Variants in NDUFA12 observed in about 807,000 individuals in gnomAD.
NDUFA12 encodes the protein NADH:ubiquinone oxidoreductase subunit A12.
In NDUFA12, 17 loss-of-function variants were observed where a neutral mutation model predicts 20.3. The observed-to-expected ratio is 0.84, with a 90% CI of 0.57 to 1.26. The LOEUF (loss-of-function observed/expected upper bound fraction) is 1.26. Ranked by LOEUF, NDUFA12 falls within the 50% of genes most tolerant of loss-of-function variation. NDUFA12 has a pLI of 0.00. For synonymous variants in NDUFA12, 72 were observed against 63.6 expected, an observed-to-expected ratio of 1.13 and a Z score of -0.63; for missense variants, 191 against 183.7, an observed-to-expected ratio of 1.04 and a Z score of -0.23.
At chr12:94,978,672 C>T (rs541252328) in intron 3 of NDUFA12, among the ~76,000 whole-genome samples, 2 of 151,964 alleles carry the variant, frequency 1.3e-5, no homozygotes, top group Admixed American at 6.6e-5. Context: ...TAGAGTTTAC[C>T]GAACATTCAT....
chr12:94,985,948 G>A (rs1834614), intron 3 of NDUFA12, among the ~76,000 whole-genome samples: 132,028 of 151,858 alleles, frequency 0.87, 57,490 homozygotes, highest in Admixed American at 0.9. Flanking sequence ...AGCTGGGCAT[G>A]GTGGTGTGCA....
chr12:95,001,946 G>A (rs1055528759), intron 2 of NDUFA12, among the ~76,000 whole-genome samples: 6 of 151,620 alleles, frequency 4.0e-5, no homozygotes, highest in Non-Finnish European at 8.9e-5. Flanking sequence ...CTCGTGATCC[G>A]CCCGCCTCCG....
chr12:94,983,567 G>A (rs1319580464), intron 3 of NDUFA12, among the ~76,000 whole-genome samples: 2 of 152,172 alleles, frequency 1.3e-5, no homozygotes, highest in Non-Finnish European at 1.5e-5. Context: ...GATCTCAGCT[G>A]TAACCTTGTG....
In NDUFA12 at chr12:94,999,516, A is replaced by AAATAATCAGC. The variant is rs1439214946; in HGVS notation, c.169+3213_169+3222dup. Among the ~76,000 whole-genome samples, 20 of 152,360 alleles carry AAATAATCAGC rather than the reference A, an allele frequency of 1.3e-4. No homozygotes were observed. In the East Asian group the frequency reaches 3.7e-3, roughly 28 times the overall value. ...CTAAAAAGCTTCTGTTCAGCAAAAG[A>AAATAATCAGC]AATAATCAGCAGAGTAAACAGACAA... On this transcript the variant is annotated intron_variant, in intron 2 of 3. Transcript: ENST00000327772.
intron 3 of NDUFA12, among the ~76,000 whole-genome samples, chr12:94,981,597 T>TA (rs776710376): frequency 1.3e-5 from 2 of 152,140 alleles, no homozygotes; most frequent in Non-Finnish European, 2.9e-5. Flanking sequence ...GAAGGTACTG[T>TA]AAAAAAAGAC....
intron 2 of NDUFA12, among the ~76,000 whole-genome samples, chr12:94,998,720 C>T (rs903173710): frequency 5.9e-5 from 9 of 152,114 alleles, no homozygotes; most frequent in African/African-American, 9.7e-5. Flanking sequence ...AGAACTCCAT[C>T]CCTTTTACAC....
chr12:94,998,203 C>T (rs1391614628), intron 2 of NDUFA12, among the ~76,000 whole-genome samples: 2 of 152,102 alleles, frequency 1.3e-5, no homozygotes, highest in African/African-American at 4.8e-5. Context: ...TGTGATATAT[C>T]ACATAAATAG....
intron 3 of NDUFA12, among the ~76,000 whole-genome samples, chr12:94,976,090 T>C (rs1002116946): frequency 2.6e-5 from 4 of 152,182 alleles, no homozygotes; most frequent in Non-Finnish European, 5.9e-5. Context: ...GTTCACCATA[T>C]ATGTTTTAAA....
intron 2 of NDUFA12, among the ~76,000 whole-genome samples, chr12:94,998,473 G>A (rs759449542): frequency 7.2e-5 from 11 of 152,124 alleles, no homozygotes; most frequent in African/African-American, 2.2e-4. Context: ...ACTGGAAGTC[G>A]TAGCCAGAGC....
At chr12:95,001,538 G>T (rs7295799) in intron 2 of NDUFA12, among the ~76,000 whole-genome samples, 118,379 of 151,946 alleles carry the variant, frequency 0.78, 46,248 homozygotes, top group South Asian at 0.81. Flanking sequence ...TGAGGTAGGA[G>T]GACAGCTTGA....
At chr12:95,000,192 G>A (rs925507114) in intron 2 of NDUFA12, among the ~76,000 whole-genome samples, 5 of 152,172 alleles carry the variant, frequency 3.3e-5, no homozygotes, top group African/African-American at 1.2e-4. Flanking sequence ...GGATGGAGCT[G>A]GAGGCCATTA....
chr12:94,971,770 T>A, intron 3 of NDUFA12, 150 bp from the exon 4 acceptor site: 1 of 884,802 alleles, frequency 1.1e-6, no homozygotes, highest in Non-Finnish European at 1.9e-6. Context: ...ATGCCTTAGA[T>A]TTTTTCCATC....
chr12:94,978,919 C>T (rs962508196), intron 3 of NDUFA12, among the ~76,000 whole-genome samples: 3 of 152,012 alleles, frequency 2.0e-5, no homozygotes, highest in African/African-American at 4.8e-5. Flanking sequence ...TTTAGTGAGA[C>T]AGGAAAAATG....
Position 95,002,830 on chromosome 12 carries a change from A to T in NDUFA12, c.87-9T>A. 3 of 1,606,126 alleles carry T rather than the reference A, an allele frequency of 1.9e-6. No individual in the cohort carries two copies. The highest frequency in any genetic ancestry group is 2.6e-6 in the Non-Finnish European group (3 of 1,172,704). ...CCTTCGCATCATTTGTCCTGTGAAT[A>T]CCCAAAAGAAAACAGACATTTTAGA... On this transcript the variant is annotated splice_polypyrimidine_tract_variant and intron_variant, in intron 1 of 3. Coordinates refer to ENST00000327772, the MANE Select transcript of NDUFA12 (RefSeq NM_018838.5).
intron 3 of NDUFA12, among the ~76,000 whole-genome samples, chr12:94,988,235 G>T (rs1662285647): frequency 6.6e-6 from 1 of 152,086 alleles, no homozygotes; most frequent in African/African-American, 2.4e-5. Flanking sequence ...GCCCTAAGAG[G>T]ATAAGGGTAA....
At chr12:94,974,401 G>A (rs7316274) in intron 3 of NDUFA12, among the ~76,000 whole-genome samples, 48,299 of 152,134 alleles carry the variant, frequency 0.32, 8,074 homozygotes, top group East Asian at 0.42. Context: ...TGGTGGGAAT[G>A]TAAGTTAGTA....
chr12:94,989,392 G>A (rs1224336013), intron 3 of NDUFA12, among the ~76,000 whole-genome samples: 1 of 152,096 alleles, frequency 6.6e-6, no homozygotes, highest in African/African-American at 2.4e-5. Flanking sequence ...CTCTCTACAC[G>A]TGATAATACC....
At chr12:94,990,262 T>G (rs1276797257) in intron 3 of NDUFA12, among the ~76,000 whole-genome samples, 1 of 114,612 alleles carries the variant, frequency 8.7e-6, no homozygotes, top group Non-Finnish European at 1.8e-5. Context: ...TAAAGAGACA[T>G]AGAATGTGGA....
intron 3 of NDUFA12, among the ~76,000 whole-genome samples, chr12:94,976,527 C>A (rs535992122): frequency 2.0e-5 from 3 of 152,214 alleles, no homozygotes; most frequent in African/African-American, 7.2e-5. Flanking sequence ...ACTTATAATG[C>A]CTAATATGAT....
Sources: allele counts gnomAD v4.1 joint callset (sites outside exome capture counted in the v4.1 genomes callset), GRCh38; gene constraint gnomAD v4.1.1; transcripts MANE v1.5; gene names NCBI Gene and HGNC (gene_info 2026-07-23, HGNC 2026-07-21).